Variants in BOLL observed in about 807,000 individuals in gnomAD.
The protein encoded by BOLL is boule RNA binding protein.
In BOLL, 23 loss-of-function variants were observed where a neutral mutation model predicts 44.4. The ratio of observed to expected loss-of-function variants is 0.52; its 90% CI spans 0.37 to 0.73. The LOEUF is 0.73. Among genes scored for constraint, BOLL ranks in the 30% least tolerant of loss-of-function variants. The pLI, the probability that BOLL is intolerant of heterozygous loss-of-function variation, is 0.00. For missense variants in BOLL, 287 were observed against 338.3 expected (o/e 0.85, Z 1.19); for synonymous variants, 97 against 110.8 (o/e 0.88, Z 0.78).
chr2:197,775,607 T>A (rs534856788), intron 5 of BOLL, 58 bp downstream of exon 5: 1 of 1,104,500 alleles, frequency 9.1e-7, no homozygotes, highest in Admixed American at 2.5e-5. Context: ...AAAAGTCTTA[T>A]ATTTCAAAAA....
chr2:197,728,713 G>A (rs920946870), intron 10 of BOLL, 135 bp from the exon 11 acceptor site: 25 of 637,424 alleles, frequency 3.9e-5, no homozygotes, highest in Admixed American at 2.7e-4. Context: ...AAATTAGAAT[G>A]TTACAAAGTG....
chr2:197,743,349 T>A (rs1382668825), intron 9 of BOLL, among the ~76,000 whole-genome samples, 190 bp from the exon 10 acceptor site: 3 of 152,220 alleles, frequency 2.0e-5, no homozygotes, highest in Non-Finnish European at 2.9e-5. Flanking sequence ...TAACTTGTAA[T>A]CTGATGAGGG....
At chr2:197,770,058 A>G (rs1434284143) in intron 6 of BOLL, among the ~76,000 whole-genome samples, 1 of 152,196 alleles carries the variant, frequency 6.6e-6, no homozygotes, top group African/African-American at 2.4e-5. Context: ...TCTTAAGCAA[A>G]AAGAACAAAG....
intron 7 of BOLL, among the ~76,000 whole-genome samples, chr2:197,761,270 C>T (rs1688743987): frequency 6.6e-6 from 1 of 152,138 alleles, no homozygotes; most frequent in Non-Finnish European, 1.5e-5. Context: ...ATGATCATGT[C>T]ACTATACTCT....
At chr2:197,754,536 C>T (rs1003125124) in intron 9 of BOLL, among the ~76,000 whole-genome samples, 1 of 151,956 alleles carries the variant, frequency 6.6e-6, no homozygotes, top group African/African-American at 2.4e-5. Context: ...GGTGAAACCC[C>T]GTCTCTACTA....
Position 197,785,251 on chromosome 2 carries a change from C to T in BOLL, c.-211G>A. ...CTAGCCAGCGAGAAATTTTGCCCCA[C>T]AAATCCGCCAGCAGCAGTGGCGGGA... On this transcript the variant is annotated 5_prime_UTR_variant, in exon 1 of 11. It adds an upstream start codon to the 5' untranslated region. Coordinates refer to ENST00000392296, the MANE Select transcript of BOLL (RefSeq NM_033030.6). The surrounding 1 kb of genome is among the most constrained non-coding windows in gnomAD (Gnocchi z 6.7). 1 of 985,864 alleles carries T rather than the reference C, an allele frequency of 1.0e-6. No individual in the cohort carries two copies. The highest frequency in any genetic ancestry group is 1.2e-6 in the Non-Finnish European group (1 of 829,922). 61.1% of individuals were successfully genotyped at this position (985,864 alleles called of 1,614,324 possible).
chr2:197,774,223 C>A, intron 5 of BOLL: 1 of 202,888 alleles, frequency 4.9e-6, no homozygotes, highest in South Asian at 7.6e-5. Context: ...TTTTTATATT[C>A]AAATAAACAA....
intron 10 of BOLL, among the ~76,000 whole-genome samples, chr2:197,741,177 T>C (rs940291346): frequency 1.3e-5 from 2 of 152,180 alleles, no homozygotes; most frequent in Admixed American, 1.3e-4. Context: ...TTTGTAGTTC[T>C]TCTTGAAGAC....
At chr2:197,770,729 CA>C (rs1689209549) in intron 6 of BOLL, among the ~76,000 whole-genome samples, 1 of 152,022 alleles carries the variant, frequency 6.6e-6, no homozygotes, top group Admixed American at 6.6e-5. Context: ...TTTATGCAGC[CA>C]AAAGACACAT....
chr2:197,766,657 A>C, intron 6 of BOLL, 54 bp from the exon 7 acceptor site: 1 of 1,300,250 alleles, frequency 7.7e-7, no homozygotes, highest in Non-Finnish European at 1.1e-6. Context: ...AATAGCTCAC[A>C]ATAAAATTTA....
intron 9 of BOLL, among the ~76,000 whole-genome samples, chr2:197,752,934 T>C (rs1688329679): frequency 6.6e-6 from 1 of 152,162 alleles, no homozygotes; most frequent in South Asian, 2.1e-4. Context: ...CAAAACAGCA[T>C]GGTACTGGTA....
chr2:197,774,077 C>T (rs1373922201), intron 5 of BOLL: 15 of 441,514 alleles, frequency 3.4e-5, no homozygotes, highest in Non-Finnish European at 6.5e-5. Flanking sequence ...CTACCACTCA[C>T]CATTAGGCTA....
intron 9 of BOLL, among the ~76,000 whole-genome samples, chr2:197,750,385 C>T (rs183123754): frequency 8.5e-4 from 130 of 152,230 alleles, no homozygotes; most frequent in African/African-American, 3.0e-3. Context: ...CATTGGTGTG[C>T]TATATTCAGG....
At chr2:197,733,535 G>A (rs1687314058) in intron 10 of BOLL, among the ~76,000 whole-genome samples, 2 of 151,926 alleles carry the variant, frequency 1.3e-5, no homozygotes, top group Admixed American at 6.6e-5. Context: ...CAAAGCTGGA[G>A]GCATCACGCT....
chr2:197,754,529 GA>G (rs1266521017), intron 9 of BOLL, among the ~76,000 whole-genome samples: 2 of 152,110 alleles, frequency 1.3e-5, no homozygotes, highest in Non-Finnish European at 2.9e-5. Context: ...CCAACACGGT[GA>G]AACCCCGTCT....
At chr2:197,777,486 A>G (rs1689573041) in intron 3 of BOLL, among the ~76,000 whole-genome samples, 1 of 151,920 alleles carries the variant, frequency 6.6e-6, no homozygotes, top group African/African-American at 2.4e-5. Flanking sequence ...AAGTAGAAAA[A>G]TAACTAAAAA....
At chr2:197,743,255 A>G in intron 9 of BOLL, 96 bp from the exon 10 acceptor site, 1 of 797,620 alleles carries the variant, frequency 1.3e-6, no homozygotes, top group Admixed American at 3.8e-5. Flanking sequence ...TAGCTATACA[A>G]TGTAGAAACA....
chr2:197,746,899 GAAAAA>G (rs35300403), intron 9 of BOLL, among the ~76,000 whole-genome samples: 5 of 94,106 alleles, frequency 5.3e-5, no homozygotes, highest in Admixed American at 4.6e-4. Context: ...ACTCTGTCTC[GAAAAA>G]AAAAAAAAAA....
intron 7 of BOLL, among the ~76,000 whole-genome samples, chr2:197,760,680 G>A (rs929261262): frequency 6.6e-6 from 1 of 151,962 alleles, no homozygotes; most frequent in East Asian, 1.9e-4. Flanking sequence ...GAGAAACTTG[G>A]AAACACAACT....
Sources: gnomAD v4.1 joint callset for allele counts (sites outside exome capture counted in the v4.1 genomes callset) on GRCh38, gnomAD v4.1.1 for gene constraint, Gnocchi (gnomAD v3.1) non-coding constraint, MANE v1.5 for transcripts, NCBI Gene and HGNC (gene_info 2026-07-23, HGNC 2026-07-21) for gene names.